The following DMXL1 variants were observed in gnomAD, a reference collection of about 807,000 sequenced individuals.
DMXL1 encodes the protein dmX-like protein 1.
A neutral mutation model predicts 319.2 loss-of-function variants in DMXL1; 99 were observed. The ratio of observed to expected loss-of-function variants is 0.31; its 90% confidence interval spans 0.26 to 0.37. The LOEUF (loss-of-function observed/expected upper bound fraction) is 0.37, where lower values mean the gene tolerates loss of function less well. Among genes scored for constraint, DMXL1 ranks in the 10% least tolerant of loss-of-function variants. The pLI, the probability that DMXL1 is intolerant of heterozygous loss-of-function variation, is 1.00. For synonymous variants in DMXL1, 1,385 were observed against 1,235.2 expected (o/e 1.12, Z -2.54); for missense variants, 3,745 against 3,595.6 (o/e 1.04, Z -1.06).
At chr5:119,243,219 C>A (rs1244649109) in intron 42 of DMXL1, among the ~76,000 whole-genome samples, 3 of 152,088 alleles carry the variant, frequency 2.0e-5, no homozygotes, top group African/African-American at 7.2e-5. Context: ...AAGTGCTGGT[C>A]AAAGTTCCTT....
intron 34 of DMXL1, among the ~76,000 whole-genome samples, 179 bp downstream of exon 34, chr5:119,207,075 T>C (rs1185448668): frequency 6.6e-6 from 1 of 152,230 alleles, no homozygotes; most frequent in Non-Finnish European, 1.5e-5. Context: ...GGTTTCTGTT[T>C]TGTTAGATAA....
intron 26 of DMXL1, among the ~76,000 whole-genome samples, chr5:119,176,701 CTAAAGG>C (rs1775864837): frequency 6.6e-6 from 1 of 151,980 alleles, no homozygotes; most frequent in Non-Finnish European, 1.5e-5. Flanking sequence ...ATAGGAATTT[CTAAAGG>C]AAATTCCTTA....
chr5:119,118,440 A>G (rs751338435), intron 7 of DMXL1, among the ~76,000 whole-genome samples: 1 of 152,120 alleles, frequency 6.6e-6, no homozygotes, highest in Non-Finnish European at 1.5e-5. Context: ...TTGTTTTTTT[A>G]GATGTAAAAA....
chr5:119,082,265 C>G (rs182735893), intron 1 of DMXL1, among the ~76,000 whole-genome samples: 50 of 152,046 alleles, frequency 3.3e-4, no homozygotes, highest in Non-Finnish European at 4.0e-4. Flanking sequence ...ACATGTGCCA[C>G]CATGCCTGGC....
intron 13 of DMXL1, among the ~76,000 whole-genome samples, chr5:119,137,537 T>C (rs77528773): frequency 0.04 from 6,015 of 152,194 alleles, 320 homozygotes; most frequent in African/African-American, 0.13. Flanking sequence ...CAAATCTCAT[T>C]TCGAATTATA....
chr5:119,216,764 A>C, intron 34 of DMXL1, 137 bp from the exon 35 acceptor site: 2 of 568,090 alleles, frequency 3.5e-6, no homozygotes, highest in Non-Finnish European at 6.1e-6. Context: ...TAATTAGCAT[A>C]TACAATAATA....
rs566118841 is a variant in DMXL1, at chr5:119,142,241, CAG to C, written c.2377-1597_2377-1596del. On this transcript the variant is annotated intron_variant, in intron 13 of 43. Coordinates refer to ENST00000539542, the MANE Select transcript of DMXL1 (RefSeq NM_001290321.3). ...ACAAAGACATCAAAAGCAATCATAA[CAG>C]AGTAAATAGACAACCTACAGAATAG... 8.5e-5 allele frequency among the ~76,000 whole-genome samples: 13 copies of C among 152,048 alleles called. 1 individual carries two copies. The East Asian group carries it at 1.5e-3, about 18-fold the overall frequency.
At chr5:119,203,811 A>G (rs1403515193) in intron 33 of DMXL1, among the ~76,000 whole-genome samples, 1 of 151,860 alleles carries the variant, frequency 6.6e-6, no homozygotes, top group African/African-American at 2.4e-5. Context: ...AAAATTTTTT[A>G]TTTATTTATT....
In DMXL1 at chr5:119,147,401, G is replaced by A; in HGVS notation, c.2842G>A (p.Glu948Lys). The A allele has an allele frequency of 1.2e-6, 2 of 1,613,616 alleles. No individual in the cohort carries two copies. The highest frequency in any genetic ancestry group is 1.7e-6 in the Non-Finnish European group (2 of 1,179,724). ...QSTSRLTLFSEMVYSQELHLP... is the reference protein window; with the variant it reads ...QSTSRLTLFSKMVYSQELHLP... ...TACCAGCAGGTTGACTCTGTTTTCA[G>A]AAATGGTTTATAGCCAAGAATTGCA... Residue 948 changes from glutamate to lysine, a missense_variant, in exon 17 of 44, where the codon GAA becomes AAA. Transcript: ENST00000539542.
At chr5:119,190,663 TAGAG>T (rs1359369350) in intron 29 of DMXL1, among the ~76,000 whole-genome samples, 5 of 152,160 alleles carry the variant, frequency 3.3e-5, no homozygotes, top group Non-Finnish European at 4.4e-5. Flanking sequence ...TAAATGAAGT[TAGAG>T]AGAAAATAGC....
In DMXL1 at chr5:119,081,722, T is replaced by G. The variant is rs999117310; in HGVS notation, c.87+10066T>G. 5 of 985,264 alleles carry G rather than the reference T, an allele frequency of 5.1e-6. No homozygotes were observed. In the African/African-American group the frequency reaches 8.7e-5, roughly 17 times the overall value. 61.0% of individuals were successfully genotyped at this position (985,264 alleles called of 1,614,324 possible). A position where few individuals can be genotyped will look rare whatever the true frequency, so the allele number is the denominator to read the frequency against. The stretch of plus-strand genomic sequence containing the variant: ...GGTACCCTTGCTTAACCTTTTCGTT[T>G]TAACTAATGGGGACAAATTGAGACT... On this transcript the variant is annotated intron_variant, in intron 1 of 43. Transcript: ENST00000539542.
chr5:119,181,135 G>A (rs1050605763), intron 28 of DMXL1, among the ~76,000 whole-genome samples: 4 of 152,030 alleles, frequency 2.6e-5, no homozygotes, highest in African/African-American at 9.7e-5. Flanking sequence ...TTGGTTGTAG[G>A]CAAAAATACC....
chr5:119,235,413 T>C (rs1186076302), intron 39 of DMXL1, among the ~76,000 whole-genome samples: 1 of 152,064 alleles, frequency 6.6e-6, no homozygotes, highest in Non-Finnish European at 1.5e-5. Flanking sequence ...GAACTACTTA[T>C]TAGAAAAGCT....
intron 34 of DMXL1, among the ~76,000 whole-genome samples, chr5:119,208,502 C>T (rs1782149762): frequency 6.6e-6 from 1 of 152,136 alleles, no homozygotes; most frequent in Admixed American, 6.5e-5. Context: ...GTGTGAGACA[C>T]CGTGCCCAGC....
intron 4 of DMXL1, among the ~76,000 whole-genome samples, chr5:119,108,117 G>A (rs933295211): frequency 6.6e-6 from 1 of 152,052 alleles, no homozygotes; most frequent in Non-Finnish European, 1.5e-5. Flanking sequence ...AATCCCAGCA[G>A]TTTGGGAGGC....
Position 119,149,824 on chromosome 5 carries a change from C to T in DMXL1, c.3997C>T (p.Leu1333Phe). Residue 1333 changes from leucine to phenylalanine, a missense_variant, in exon 18 of 44, where the codon CTC becomes TTC. By Grantham distance (22) the Leu-to-Phe change is conservative. Coordinates refer to ENST00000539542, the MANE Select transcript of DMXL1 (RefSeq NM_001290321.3). ...PQYHPLQLLELMDLGKVRRAK... is the reference protein window; with the variant it reads ...PQYHPLQLLEFMDLGKVRRAK... The stretch of plus-strand genomic sequence containing the variant: ...GTATCATCCCTTGCAGCTTTTGGAA[C>T]TCATGGATCTTGGTAAAGTTCGGAG... The T allele has an allele frequency of 6.2e-7, 1 of 1,613,930 alleles. No individual in the cohort carries two copies. The highest frequency in any genetic ancestry group is 8.5e-7 in the Non-Finnish European group (1 of 1,179,930).
chr5:119,116,486 C>A lies in DMXL1; in HGVS notation c.743+150C>A, dbSNP rs1760876176. The A allele has an allele frequency of 3.6e-6, 3 of 837,156 alleles. No individual in the cohort carries two copies. In the African/African-American group the frequency reaches 5.1e-5, roughly 14 times the overall value. The allele number at this position is 837,156 out of a possible 1,614,324, so 51.9% of individuals were successfully genotyped here. A position where few individuals can be genotyped will look rare whatever the true frequency, so the allele number is the denominator to read the frequency against. On this transcript the variant is annotated intron_variant, in intron 7 of 43. Transcript: ENST00000539542. ...ATTAAATCGTCTCTGGCCTGCACAT[C>A]TCTGGCTGTGGCTCAACTATGTTTG...
intron 28 of DMXL1, among the ~76,000 whole-genome samples, chr5:119,184,767 C>G (rs1048743311): frequency 1.9e-3 from 285 of 152,182 alleles, no homozygotes; most frequent in African/African-American, 6.6e-3. Context: ...CTTATTTCAC[C>G]TAGTGTAATG....
In DMXL1 at chr5:119,221,693, T is replaced by G. The variant is rs183594529; in HGVS notation, c.8277+612T>G. ...CAGTCCTTTATAAAAAAAGGTTTGC[T>G]AACCCCTTGTCTAGGTATCTTTTAA... On this transcript the variant is annotated intron_variant, in intron 37 of 43. Transcript: ENST00000539542. Among the ~76,000 whole-genome samples, 568 of 152,214 alleles carry G rather than the reference T, an allele frequency of 3.7e-3. 3 individuals are homozygous for G. The highest frequency in any genetic ancestry group is 6.7e-3 in the Non-Finnish European group (454 of 67,980).
Sources: gnomAD v4.1 joint callset for allele counts (sites outside exome capture counted in the v4.1 genomes callset) on GRCh38, gnomAD v4.1.1 for gene constraint, MANE v1.5 for transcripts, NCBI Gene and HGNC (gene_info 2026-07-23, HGNC 2026-07-21) for gene names.